SETX: variants seen among roughly 807,000 people sequenced by gnomAD.
The protein encoded by SETX is helicase senataxin.
In SETX, 90 loss-of-function variants were observed where a neutral mutation model predicts 227.2. The observed-to-expected ratio is 0.40, with a 90% CI of 0.33 to 0.47. The LOEUF (loss-of-function observed/expected upper bound fraction) is 0.47. Among genes scored for constraint, SETX ranks in the 20% least tolerant of loss-of-function variants. The probability of loss-of-function intolerance (pLI) is 0.91; values close to 1 mark genes in which losing one functional copy is unlikely to be tolerated. For missense variants in SETX, 3,052 were observed against 3,181.5 expected, an observed-to-expected ratio of 0.96 and a Z score of 0.98; for synonymous variants, 1,210 against 1,113.2, an observed-to-expected ratio of 1.09 and a Z score of -1.73.
At chr9:132,341,418 T>A (rs1358613268) in intron 5 of SETX, among the ~76,000 whole-genome samples, 1 of 152,060 alleles carries the variant, frequency 6.6e-6, no homozygotes, top group African/African-American at 2.4e-5. Context: ...TGCAAGCTCA[T>A]CCGACAGGGA....
chr9:132,334,551 T>G, intron 7 of SETX, 57 bp downstream of exon 7: 1 of 1,598,222 alleles, frequency 6.3e-7, no homozygotes. Flanking sequence ...CACTATCATT[T>G]TTAAAGTGCA....
intron 25 of SETX, among the ~76,000 whole-genome samples, chr9:132,266,879 T>C (rs538858808): frequency 2.6e-5 from 4 of 152,366 alleles, no homozygotes; most frequent in East Asian, 1.9e-4. Flanking sequence ...AACCTTATTA[T>C]TGCACTTGGG....
intron 6 of SETX, among the ~76,000 whole-genome samples, chr9:132,335,225 C>A (rs561699137): frequency 6.6e-6 from 1 of 151,392 alleles, no homozygotes; most frequent in Non-Finnish European, 1.5e-5. Flanking sequence ...CCCGTCTCTA[C>A]TAAAAATACA....
intron 7 of SETX, among the ~76,000 whole-genome samples, chr9:132,333,217 A>G (rs2131480123): frequency 6.6e-6 from 1 of 151,056 alleles, no homozygotes; most frequent in South Asian, 2.1e-4. Context: ...CATCTCTACT[A>G]AAAATACAAA....
At chr9:132,333,013 G>A (rs995036109) in intron 7 of SETX, among the ~76,000 whole-genome samples, 1 of 151,884 alleles carries the variant, frequency 6.6e-6, no homozygotes, top group African/African-American at 2.4e-5. Context: ...TAGGCACAGG[G>A]AAAGAAATGA....
At chr9:132,299,871 G>A (rs1225227240) in intron 12 of SETX, among the ~76,000 whole-genome samples, 2 of 151,958 alleles carry the variant, frequency 1.3e-5, no homozygotes, top group Non-Finnish European at 2.9e-5. Flanking sequence ...GGCTGGGCGC[G>A]GTGGCTCACG....
intron 22 of SETX, among the ~76,000 whole-genome samples, chr9:132,276,086 G>A (rs892342084): frequency 6.6e-6 from 1 of 152,080 alleles, no homozygotes. Context: ...AATGCACCAA[G>A]ACCAGGGGAT....
intron 15 of SETX, 90 bp downstream of exon 15, chr9:132,295,782 G>T: frequency 8.5e-7 from 1 of 1,173,012 alleles, no homozygotes; most frequent in Non-Finnish European, 1.2e-6. Context: ...CTATTACCAG[G>T]ACTGGCCTGC....
In SETX at chr9:132,317,410, A is replaced by G. The variant is rs143378248; in HGVS notation, c.5275-5554T>C. ...AACTGTATCACTGAATATCTGTAGC[A>G]GCTGTCATCTACAACTGTTCCATCA... On this transcript the variant is annotated intron_variant, in intron 10 of 25. Transcript: ENST00000224140. Among the ~76,000 whole-genome samples, 82 of 152,342 alleles carry G rather than the reference A, an allele frequency of 5.4e-4. 1 individual carries two copies. Among genetic ancestry groups the G allele is most frequent in the African/African-American group, 2.0e-3 (82 of 41,574 alleles).
In SETX at chr9:132,330,390, A is replaced by ACACG. The variant is rs765750091; in HGVS notation, c.1204_1207dup (p.Val403AlafsTer4). The ACACG allele has an allele frequency of 6.2e-7, 1 of 1,614,158 alleles. No homozygotes were observed. The highest frequency in any genetic ancestry group is 8.5e-7 in the Non-Finnish European group (1 of 1,180,000). On this transcript the variant is annotated frameshift_variant, in exon 10 of 26. Transcript: ENST00000224140. LOFTEE classifies it high-confidence loss of function. The stretch of plus-strand genomic sequence containing the variant: ...GAACCATAGAAATGTGCTGTTATGA[A>ACACG]CACGCATGTCTTGACCAATATCTGA...
Position 132,330,014 on chromosome 9 carries a change from A to G in SETX, c.1584T>C (p.Ser528=). 6.2e-7 allele frequency: 1 copy of G among 1,614,222 alleles called. No individual in the cohort carries two copies. Among genetic ancestry groups the G allele is most frequent in the Non-Finnish European group, 8.5e-7 (1 of 1,180,008 alleles). ...GCACATAAGCAAGTTGTACAGAGTT[A>G]GATGGCATGGAATGCAATGACAGTG... The part of the protein sequence containing the change: ...ISSLSLHSMP[S]NSVQLAYVQL... The change falls in exon 10 of 26, where the codon TCT becomes TCC. Residue 528 remains serine, a synonymous_variant. Transcript: ENST00000224140.
chr9:132,342,307 T>C (rs1252139725), intron 5 of SETX, among the ~76,000 whole-genome samples: 1 of 152,136 alleles, frequency 6.6e-6, no homozygotes, highest in East Asian at 1.9e-4. Flanking sequence ...CTCCCTACCT[T>C]CCCTTGTTTT....
chr9:132,347,544 T>A (rs983543569), intron 3 of SETX, among the ~76,000 whole-genome samples: 3 of 151,892 alleles, frequency 2.0e-5, no homozygotes, highest in Non-Finnish European at 4.4e-5. Flanking sequence ...ACTGCTGACC[T>A]CGTAATCCAC....
chr9:132,338,459 A>G (rs1213984832), intron 5 of SETX, among the ~76,000 whole-genome samples: 3 of 152,156 alleles, frequency 2.0e-5, no homozygotes, highest in Non-Finnish European at 4.4e-5. Flanking sequence ...TTTTCATGTA[A>G]GACAATGAAA....
intron 10 of SETX, among the ~76,000 whole-genome samples, chr9:132,324,218 G>A (rs562905214): frequency 3.4e-4 from 51 of 151,000 alleles, no homozygotes; most frequent in Admixed American, 1.1e-3. Flanking sequence ...GCTTTCCAGC[G>A]AAAATAAAGC....
chr9:132,352,932 A>T (rs1443322588), intron 2 of SETX, among the ~76,000 whole-genome samples: 1 of 152,226 alleles, frequency 6.6e-6, no homozygotes. Flanking sequence ...TCTGAGCTCC[A>T]GAGCCTACCC....
In SETX at chr9:132,300,624, A is replaced by G; in HGVS notation, c.5548+6T>C. 1 of 1,613,222 alleles carries G rather than the reference A, an allele frequency of 6.2e-7. No individual in the cohort carries two copies. Among genetic ancestry groups the G allele is most frequent in the Non-Finnish European group, 8.5e-7 (1 of 1,179,584 alleles). On this transcript the variant is annotated splice_donor_region_variant and intron_variant, in intron 12 of 25. Transcript: ENST00000224140. ...ATTTCCTGTCAATGCCTCATTATTT[A>G]CTTACTGACTGACGTGCGGCGAAAT...
At position 132,327,606 on chromosome 9, in the gene SETX, G is replaced by A. The variant is rs11243731; in HGVS notation, c.3992C>T (p.Pro1331Leu). The A allele has an allele frequency of 1.3e-4, 204 of 1,614,034 alleles. No homozygotes were observed. The East Asian group carries it at 3.2e-3, about 25-fold the overall frequency. Residue 1331 changes from proline (P) to leucine (L), a missense_variant, in exon 10 of 26, where the codon CCT (proline) becomes CTT (leucine). Pro to Leu is a moderately conservative substitution (Grantham distance 98, BLOSUM62 -3). This residue lies in a region of SETX where 1,483 missense variants were observed against 1,312.0 expected (regional missense o/e 1.13). Transcript: ENST00000224140. The part of the protein sequence containing the change: ...DTRKKTKLIS[P>L]QNLSVRNNKK... ...ATTATTTCTGACAGACAGGTTCTGA[G>A]GAGAAATTAATTTAGTCTTTTTTCG...
intron 3 of SETX, among the ~76,000 whole-genome samples, chr9:132,346,779 C>T (rs797002985): frequency 8.8e-6 from 1 of 113,764 alleles, no homozygotes; most frequent in Non-Finnish European, 1.9e-5. Context: ...AAGCAAGACC[C>T]TGTCACTAAA....
Sources: gnomAD v4.1 joint callset for allele counts (sites outside exome capture counted in the v4.1 genomes callset) on GRCh38, gnomAD v4.1.1 for gene constraint, gnomAD v4.1.1 regional missense constraint, MANE v1.5 for transcripts, NCBI Gene and HGNC (gene_info 2026-07-23, HGNC 2026-07-21) for gene names.